The following TBCD variants were observed in gnomAD, a reference collection of about 807,000 sequenced individuals.
The protein encoded by TBCD is tubulin-specific chaperone D.
TBCD carries 105 observed loss-of-function variants against 169.3 expected under a neutral mutation model. The observed-to-expected ratio is 0.62, with a 90% confidence interval of 0.53 to 0.73. The LOEUF (loss-of-function observed/expected upper bound fraction) is 0.73, where lower values mean the gene tolerates loss of function less well. TBCD is among the 30% of genes least tolerant of loss of function. The pLI is 0.00. For synonymous variants in TBCD, 700 were observed against 643.9 expected (o/e 1.09, Z -1.32); for missense variants, 1,444 against 1,600.1 (o/e 0.90, Z 1.66).
chr17:82,929,685 G>C (rs1354073977), intron 32 of TBCD, 185 bp downstream of exon 32: 2 of 826,016 alleles, frequency 2.4e-6, no homozygotes, highest in Non-Finnish European at 4.0e-6. Context: ...CTTAGGGCCT[G>C]TGGGATGGTT....
At chr17:82,878,738 G>C (rs566132769) in intron 14 of TBCD, among the ~76,000 whole-genome samples, 90 of 152,288 alleles carry the variant, frequency 5.9e-4, no homozygotes, top group African/African-American at 2.1e-3. Flanking sequence ...TTTCTCCTTT[G>C]GTTTTCACCC....
chr17:82,927,626 A>G (rs891588114), intron 29 of TBCD, among the ~76,000 whole-genome samples: 4 of 152,142 alleles, frequency 2.6e-5, no homozygotes, highest in East Asian at 1.9e-4. Flanking sequence ...GGTTTTGCCA[A>G]CATTTCTTGC....
intron 13 of TBCD, among the ~76,000 whole-genome samples, chr17:82,842,146 G>T (rs564127614): frequency 5.9e-5 from 9 of 152,334 alleles, no homozygotes; most frequent in Admixed American, 3.9e-4. Flanking sequence ...GACTCCCTCT[G>T]CCCGGAAGCC....
chr17:82,855,693 C>A (rs2145724577), intron 13 of TBCD, among the ~76,000 whole-genome samples: 1 of 152,290 alleles, frequency 6.6e-6, no homozygotes. Flanking sequence ...TTAGTACATA[C>A]CCAATGTTGC....
At chr17:82,937,681 C>T (rs546854289) in intron 35 of TBCD, 22 of 616,156 alleles carry the variant, frequency 3.6e-5, no homozygotes, top group African/African-American at 9.2e-5. Flanking sequence ...CCCTGGGGGT[C>T]GCTGTTGAGT....
Position 82,920,874 on chromosome 17 carries a change from G to A in TBCD, c.2101+256G>A, listed in dbSNP as rs1304967901. 2.0e-6 allele frequency: 1 copy of A among 501,410 alleles called. No individual in the cohort carries two copies. Among genetic ancestry groups the A allele is most frequent in the Non-Finnish European group, 3.5e-6 (1 of 282,032 alleles). 31.1% of individuals were successfully genotyped at this position (501,410 alleles called of 1,614,324 possible). On this transcript the variant is annotated intron_variant, in intron 24 of 38. Coordinates refer to ENST00000355528, the MANE Select transcript of TBCD (RefSeq NM_005993.5). This position sits in a 1 kb window ranked among gnomAD's most constrained non-coding sequence, Gnocchi z 4.1. ...CCCACCTCCTCGCTTCCATGCCCAG[G>A]GCCCGGCACTCTGGGTCAGTTCTTC... is the stretch of plus-strand genomic sequence containing the variant.
At chr17:82,872,439 G>A (rs2057644779) in intron 14 of TBCD, among the ~76,000 whole-genome samples, 1 of 152,186 alleles carries the variant, frequency 6.6e-6, no homozygotes, top group Non-Finnish European at 1.5e-5. Context: ...TTGCAGAGTG[G>A]AGCAGAGAAG....
At position 82,930,886 on chromosome 17, in the gene TBCD, T is replaced by C. The variant is rs1041760189; in HGVS notation, c.3113+243T>C. On this transcript the variant is annotated intron_variant, in intron 33 of 38. Transcript: ENST00000355528. This position sits in a 1 kb window ranked among gnomAD's most constrained non-coding sequence, Gnocchi z 5.2. ...TCCACATGAGGCAGGGAAATGACCG[T>C]TGTGTGTACAATGGACGTAAAGGTA... Among the ~76,000 whole-genome samples, 4 of 152,120 alleles carry C rather than the reference T, an allele frequency of 2.6e-5. No homozygotes were observed. The highest frequency in any genetic ancestry group is 9.7e-5 in the African/African-American group (4 of 41,428).
chr17:82,899,235 A>ACG (rs1491443589), intron 17 of TBCD, among the ~76,000 whole-genome samples: 1 of 135,546 alleles, frequency 7.4e-6, no homozygotes, highest in African/African-American at 2.9e-5. Context: ...TCCTCAGCGC[A>ACG]TGTCCTCAGC....
chr17:82,857,883 A>G (rs1421070785), intron 13 of TBCD, among the ~76,000 whole-genome samples: 3 of 151,488 alleles, frequency 2.0e-5, no homozygotes, highest in African/African-American at 7.3e-5. Context: ...CACTGCACCC[A>G]CTAACTCGTC....
In TBCD at chr17:82,773,589, C is replaced by T. The variant is rs1323720360; in HGVS notation, c.638+1082C>T. Reference sequence around the variant, plus strand: ...GCCAACTCTGTCCATGGTCTCCCCGCGGGGCGGCACCAACTCTGTCCATGG... The same window carrying T: ...GCCAACTCTGTCCATGGTCTCCCCGTGGGGCGGCACCAACTCTGTCCATGG... On this transcript the variant is annotated intron_variant, in intron 6 of 38. Coordinates refer to ENST00000355528, the MANE Select transcript of TBCD (RefSeq NM_005993.5). Among the ~76,000 whole-genome samples, 5 of 152,146 alleles carry T rather than the reference C, an allele frequency of 3.3e-5. No homozygotes were observed. The South Asian group carries it at 6.2e-4, about 19-fold the overall frequency.
intron 2 of TBCD, among the ~76,000 whole-genome samples, chr17:82,759,732 T>C (rs2047651827): frequency 6.6e-6 from 1 of 152,216 alleles, no homozygotes; most frequent in Non-Finnish European, 1.5e-5. Flanking sequence ...TATGTAAGCC[T>C]CATTTATTGG....
At chr17:82,911,574 T>TG (rs2060645227) in intron 22 of TBCD, among the ~76,000 whole-genome samples, 184 bp from the exon 23 acceptor site, 1 of 152,268 alleles carries the variant, frequency 6.6e-6, no homozygotes, top group Admixed American at 6.5e-5. Flanking sequence ...GGGAGACCTC[T>TG]GGAAGATGGC....
intron 11 of TBCD, among the ~76,000 whole-genome samples, chr17:82,808,546 G>A (rs1229208847): frequency 1.4e-5 from 2 of 140,116 alleles, no homozygotes; most frequent in Admixed American, 1.4e-4. Context: ...CAGGTGGAGG[G>A]GTGGCAGGTC....
Position 82,826,276 on chromosome 17 carries a change from A to G in TBCD, c.1318+11342A>G, listed in dbSNP as rs150044145. Among the ~76,000 whole-genome samples, 469 of 151,376 alleles carry G rather than the reference A, an allele frequency of 3.1e-3. 3 individuals are homozygous for G. Among genetic ancestry groups the G allele is most frequent in the South Asian group, 0.031 (147 of 4,804 alleles). The stretch of plus-strand genomic sequence containing the variant: ...ACTTTTAAGTTTTAAGGTGCTAGTT[A>G]CTTAGAAGTTTTTTTAGATTGGGTT... On this transcript the variant is annotated intron_variant, in intron 13 of 38. Transcript: ENST00000355528.
intron 6 of TBCD, among the ~76,000 whole-genome samples, chr17:82,776,971 G>T (rs140984417): frequency 6.6e-6 from 1 of 152,142 alleles, no homozygotes; most frequent in Non-Finnish European, 1.5e-5. Flanking sequence ...GTGTCTGTGG[G>T]CTCCTTGGGG....
rs1194448369 is a variant in TBCD at position 82,830,750 on chromosome 17, T to C, written c.1318+15816T>C. 9.9e-6 allele frequency: 16 copies of C among 1,613,798 alleles called. No individual in the cohort carries two copies. In the South Asian group the frequency reaches 1.6e-4, roughly 17 times the overall value. On this transcript the variant is annotated intron_variant, in intron 13 of 38. Coordinates refer to ENST00000355528, the MANE Select transcript of TBCD (RefSeq NM_005993.5). ...GGTTCGTGGGTGGCTGCCAGGTTTA[T>C]CTCTGATTTCTTGGAGAGGTTGAGG... is the stretch of plus-strand genomic sequence containing the variant.
At chr17:82,882,904 C>T (rs956411081) in intron 14 of TBCD, among the ~76,000 whole-genome samples, 4 of 152,328 alleles carry the variant, frequency 2.6e-5, no homozygotes, top group Admixed American at 6.5e-5. Flanking sequence ...GTGGTGCTGA[C>T]GGTGTCCGCG....
intron 30 of TBCD, among the ~76,000 whole-genome samples, chr17:82,928,476 C>T (rs532815951): frequency 9.2e-5 from 14 of 151,816 alleles, no homozygotes; most frequent in East Asian, 1.9e-4. Context: ...CCCTTTCTGT[C>T]GGTCTCTCTG....
Sources: gnomAD v4.1 joint callset for allele counts (sites outside exome capture counted in the v4.1 genomes callset) on GRCh38, gnomAD v4.1.1 for gene constraint, Gnocchi (gnomAD v3.1) non-coding constraint, MANE v1.5 for transcripts, NCBI Gene and HGNC (gene_info 2026-07-23, HGNC 2026-07-21) for gene names.